Variants in TTLL7 observed in about 807,000 individuals in gnomAD.
TTLL7 encodes the protein tubulin tyrosine ligase like 7.
Under a neutral mutation model 120.2 loss-of-function variants are expected in TTLL7, and 53 were observed. The observed-to-expected ratio is 0.44, with a 90% CI of 0.35 to 0.55. The LOEUF is 0.55. TTLL7 is among the 20% of genes least tolerant of loss of function. The pLI is 0.00. For synonymous variants in TTLL7, 353 were observed against 351.7 expected (o/e 1.00, Z -0.04); for missense variants, 803 against 1,054.7 (o/e 0.76, Z 3.31).
At chr1:83,914,916 T>C (rs1005643809) in intron 14 of TTLL7, among the ~76,000 whole-genome samples, 9 of 152,178 alleles carry the variant, frequency 5.9e-5, no homozygotes, top group Non-Finnish European at 1.0e-4. Flanking sequence ...GTTCTAAGAA[T>C]ACAAAGATGA....
At chr1:83,880,600 G>C (rs1472619947) in intron 20 of TTLL7, among the ~76,000 whole-genome samples, 2 of 151,832 alleles carry the variant, frequency 1.3e-5, no homozygotes, top group Non-Finnish European at 2.9e-5. Context: ...CTGACTTTTT[G>C]AGTATCACTT....
chr1:83,978,580 A>G (rs1485782158), intron 1 of TTLL7, among the ~76,000 whole-genome samples: 2 of 152,226 alleles, frequency 1.3e-5, no homozygotes, highest in Non-Finnish European at 2.9e-5. Flanking sequence ...AGGATGATTT[A>G]AAATAGGTGG....
In TTLL7 at chr1:83,907,303, T is replaced by G. The variant is rs188259630; in HGVS notation, c.1992+153A>C. ...ACTTTTTAAGAGTCATACTAAATTG[T>G]AGGCTAAGGTAGGTGAATAATCCAA... On this transcript the variant is annotated intron_variant, in intron 16 of 20. Transcript: ENST00000260505. 234 of 591,846 alleles carry G rather than the reference T, an allele frequency of 4.0e-4. No homozygotes were observed. The East Asian group carries it at 4.0e-3, about 10-fold the overall frequency. The allele number at this position is 591,846 out of a possible 1,614,324, so 36.7% of individuals were successfully genotyped here.
chr1:83,965,759 ATTAT>A (rs1221269464), intron 1 of TTLL7, among the ~76,000 whole-genome samples: 3 of 152,092 alleles, frequency 2.0e-5, no homozygotes, highest in Admixed American at 6.6e-5. Flanking sequence ...GTCCCCAATT[ATTAT>A]TTATTTAAAT....
At chr1:83,980,040 A>G (rs1651817267) in intron 1 of TTLL7, 1 of 152,240 alleles carries the variant, frequency 6.6e-6, no homozygotes, top group African/African-American at 2.4e-5. Context: ...TTAATTTTAC[A>G]CTTCTGTTCA....
intron 13 of TTLL7, among the ~76,000 whole-genome samples, chr1:83,919,131 G>A (rs1247638904): frequency 6.6e-6 from 1 of 151,938 alleles, no homozygotes; most frequent in African/African-American, 2.4e-5. Flanking sequence ...TTCACCCCAG[G>A]AAAGACAAGC....
chr1:83,908,689 G>T (rs995691376), intron 15 of TTLL7, among the ~76,000 whole-genome samples: 2 of 151,486 alleles, frequency 1.3e-5, no homozygotes, highest in African/African-American at 4.9e-5. Flanking sequence ...AGTTCCTATG[G>T]TCTATATATC....
chr1:83,951,090 C>G (rs1004590087), intron 3 of TTLL7, among the ~76,000 whole-genome samples: 5 of 152,166 alleles, frequency 3.3e-5, no homozygotes, highest in African/African-American at 9.7e-5. Context: ...TGGCTCACGC[C>G]TGTAATCCCA....
chr1:83,885,472 T>C (rs1416622444), intron 19 of TTLL7, among the ~76,000 whole-genome samples: 2 of 152,044 alleles, frequency 1.3e-5, no homozygotes, highest in Non-Finnish European at 2.9e-5. Flanking sequence ...TGAGTTATAA[T>C]ATGGCCAGCT....
Position 83,878,796 on chromosome 1 carries a change from T to G in TTLL7, c.2543+4167A>C, listed in dbSNP as rs186440585. 3.2e-3 allele frequency among the ~76,000 whole-genome samples: 485 copies of G among 152,064 alleles called. 3 individuals are homozygous for G. Among genetic ancestry groups the G allele is most frequent in the South Asian group, 8.1e-3 (39 of 4,816 alleles). On this transcript the variant is annotated intron_variant, in intron 20 of 20. Coordinates refer to ENST00000260505, the MANE Select transcript of TTLL7 (RefSeq NM_024686.6). ...AAAGGTAGAAACCCAAAAATGTCTTTTCCTTTGGTATGCATATTATTATTT... is the reference window on the plus strand; with the variant it reads ...AAAGGTAGAAACCCAAAAATGTCTTGTCCTTTGGTATGCATATTATTATTT...
intron 8 of TTLL7, among the ~76,000 whole-genome samples, chr1:83,935,698 C>T (rs1209903222): frequency 6.6e-6 from 1 of 151,662 alleles, no homozygotes; most frequent in Non-Finnish European, 1.5e-5. Context: ...GAGAAATTGC[C>T]CGGGTTATTA....
At chr1:83,950,670 A>G (rs1648954834) in intron 3 of TTLL7, among the ~76,000 whole-genome samples, 1 of 152,196 alleles carries the variant, frequency 6.6e-6, no homozygotes, top group Non-Finnish European at 1.5e-5. Flanking sequence ...AGTGTGGAAT[A>G]AAGATAAGCA....
intron 1 of TTLL7, among the ~76,000 whole-genome samples, chr1:83,955,867 G>A (rs1385909697): frequency 1.3e-5 from 2 of 152,076 alleles, no homozygotes. Flanking sequence ...CAGGCATGGT[G>A]GTGCCTGCCT....
intron 5 of TTLL7, 149 bp downstream of exon 5, chr1:83,948,479 G>C: frequency 2.0e-6 from 1 of 498,974 alleles, no homozygotes; most frequent in Non-Finnish European, 3.6e-6. Flanking sequence ...TGGAACCAGA[G>C]ACCTTCTAAG....
chr1:83,919,946 C>A, intron 12 of TTLL7, 112 bp from the exon 13 acceptor site: 5 of 958,056 alleles, frequency 5.2e-6, no homozygotes, highest in Non-Finnish European at 7.7e-6. Context: ...AGTCACATTG[C>A]CAGGTATAAG....
rs780989394 is a variant in TTLL7 at position 83,921,124 on chromosome 1, G to T, written c.1327C>A (p.Arg443=). 17 of 1,612,874 alleles carry T rather than the reference G, an allele frequency of 1.1e-5. No individual in the cohort carries two copies. In the South Asian group the frequency reaches 1.9e-4, roughly 18 times the overall value. ...ATATGTCGATTTTCATGTTCTTCTC[G>T]TGAGATCTGCTTTCGTACTTGAGCG... ...RLAQVRKQIS[R]EEHENRHMGN... is the part of the protein sequence containing the mutation. Residue 443 remains arginine (R), a synonymous_variant, in exon 12 of 21, where the codon CGA becomes AGA. Coordinates refer to ENST00000260505, the MANE Select transcript of TTLL7 (RefSeq NM_024686.6).
chr1:83,902,359 G>A (rs1426361843), intron 18 of TTLL7: 1 of 151,830 alleles, frequency 6.6e-6, no homozygotes, highest in African/African-American at 2.4e-5. Context: ...TAACTGTGGT[G>A]TTTTGCTTTC....
At chr1:83,989,886 T>C (rs1030138042) in intron 1 of TTLL7, among the ~76,000 whole-genome samples, 1 of 152,182 alleles carries the variant, frequency 6.6e-6, no homozygotes, top group African/African-American at 2.4e-5. Flanking sequence ...TTCACCTCCT[T>C]GATTAGATGT....
At chr1:83,924,811 T>C (rs973167295) in intron 10 of TTLL7, among the ~76,000 whole-genome samples, 2 of 152,162 alleles carry the variant, frequency 1.3e-5, no homozygotes, top group Non-Finnish European at 2.9e-5. Flanking sequence ...TGAGAACAAG[T>C]GCAAAGCTAC....
Sources: gnomAD v4.1 joint callset for allele counts (sites outside exome capture counted in the v4.1 genomes callset) on GRCh38, gnomAD v4.1.1 for gene constraint, MANE v1.5 for transcripts, NCBI Gene and HGNC (gene_info 2026-07-23, HGNC 2026-07-21) for gene names.